Variants in PKHD1 observed in about 807,000 individuals in gnomAD.
The protein encoded by PKHD1 is fibrocystin.
In PKHD1, 291 loss-of-function variants were observed where a neutral mutation model predicts 412.0. The observed-to-expected ratio is 0.71, with a 90% CI of 0.64 to 0.78. The LOEUF is 0.78. Among genes scored for constraint, PKHD1 ranks in the 30% least tolerant of loss-of-function variants. PKHD1 has a pLI of 0.00. For missense variants in PKHD1, 4,825 were observed against 4,950.7 expected (o/e 0.97, Z 0.76); for synonymous variants, 1,777 against 1,821.5 (o/e 0.98, Z 0.62).
intron 41 of PKHD1, among the ~76,000 whole-genome samples, chr6:51,904,531 G>T (rs1417085114): frequency 6.6e-6 from 1 of 152,152 alleles, no homozygotes; most frequent in Non-Finnish European, 1.5e-5. Flanking sequence ...TCAATAAAGA[G>T]CTGCCCCAAA....
intron 65 of PKHD1, among the ~76,000 whole-genome samples, chr6:51,632,344 T>G (rs1008556267): frequency 6.6e-6 from 1 of 152,166 alleles, no homozygotes; most frequent in Non-Finnish European, 1.5e-5. Flanking sequence ...AGTGAGTATT[T>G]AGTTAACATG....
intron 60 of PKHD1, among the ~76,000 whole-genome samples, chr6:51,663,586 A>G (rs759794789): frequency 2.0e-5 from 3 of 152,162 alleles, no homozygotes; most frequent in Non-Finnish European, 4.4e-5. Context: ...CCTCAAGCAC[A>G]GTAGATGCTT....
chr6:52,050,391 A>G, intron 21 of PKHD1, 96 bp from the exon 22 acceptor site: 1 of 1,188,454 alleles, frequency 8.4e-7, no homozygotes, highest in East Asian at 2.3e-5. Context: ...CTCAGATCTC[A>G]GTACACACCT....
At chr6:51,772,263 C>T (rs1790266772) in intron 55 of PKHD1, among the ~76,000 whole-genome samples, 1 of 151,970 alleles carries the variant, frequency 6.6e-6, no homozygotes, top group African/African-American at 2.4e-5. Flanking sequence ...AGCAATGACT[C>T]TGTTCTTTAC....
At chr6:51,967,897 T>C (rs1793069523) in intron 35 of PKHD1, among the ~76,000 whole-genome samples, 1 of 152,192 alleles carries the variant, frequency 6.6e-6, no homozygotes, top group Admixed American at 6.5e-5. Flanking sequence ...CCCCATGCAA[T>C]GGACCCATGA....
chr6:51,621,102 T>C (rs1488093853), intron 66 of PKHD1, among the ~76,000 whole-genome samples: 4 of 152,174 alleles, frequency 2.6e-5, no homozygotes, highest in Admixed American at 2.0e-4. Context: ...GCCTCAATAC[T>C]TGTCTGGAGT....
chr6:51,659,906 T>C lies in PKHD1; in HGVS notation c.10220A>G (p.Gln3407Arg). Residue 3407 changes from glutamine (Q) to arginine (R), a missense_variant, in exon 61 of 67, where the codon CAG (glutamine) becomes CGG (arginine). By Grantham distance (43) the Gln-to-Arg change is conservative. Transcript: ENST00000371117. The part of the protein sequence containing the change: ...QFLMQGFICK[Q>R]TDQVVLILDS... ...AAGAATTAGGACCACTTGGTCAGTC[T>C]GTTTGCAGATGAATCCTTGCATCAG... 1 of 1,612,520 alleles carries C rather than the reference T, an allele frequency of 6.2e-7. No homozygotes were observed. Among genetic ancestry groups the C allele is most frequent in the Non-Finnish European group, 8.5e-7 (1 of 1,178,738 alleles).
chr6:51,748,133 TACATGTA>T lies in PKHD1; in HGVS notation c.9476_9482del (p.Leu3159Ter). ...TGTTCTCTATCTCCACGCTGTTCTC[TACATGTA>T]ACATGGCACCATAGTCAAAGTTCTT... On this transcript the variant is annotated frameshift_variant, in exon 58 of 67. Coordinates refer to ENST00000371117, the MANE Select transcript of PKHD1 (RefSeq NM_138694.4). LOFTEE classifies it high-confidence loss of function. The T allele has an allele frequency of 1.9e-6, 3 of 1,614,090 alleles. No homozygotes were observed. Among genetic ancestry groups the T allele is most frequent in the Non-Finnish European group, 2.5e-6 (3 of 1,179,940 alleles).
intron 18 of PKHD1, among the ~76,000 whole-genome samples, chr6:52,056,228 G>C (rs1041967097): frequency 1.3e-5 from 2 of 152,130 alleles, no homozygotes; most frequent in Non-Finnish European, 2.9e-5. Flanking sequence ...AAAAAGACAA[G>C]GAATATCAAG....
chr6:52,082,891 A>C (rs1812248697), intron 3 of PKHD1, among the ~76,000 whole-genome samples: 1 of 152,190 alleles, frequency 6.6e-6, no homozygotes, highest in Non-Finnish European at 1.5e-5. Context: ...TGCATTGCTG[A>C]GCACTATGCT....
At position 51,659,900 on chromosome 6, in the gene PKHD1, T is replaced by G; in HGVS notation, c.10226A>C (p.Asp3409Ala). The change falls in exon 61 of 67, where the codon GAC becomes GCC. Residue 3409 changes from aspartate (D) to alanine (A), a missense_variant. By Grantham distance (126) the Asp-to-Ala change is moderately radical. Transcript: ENST00000371117. ...LMQGFICKQTDQVVLILDSAD... is the reference protein window; with the variant it reads ...LMQGFICKQTAQVVLILDSAD... ...GCTATCAAGAATTAGGACCACTTGGTCAGTCTGTTTGCAGATGAATCCTTG... is the reference window on the plus strand; with the variant it reads ...GCTATCAAGAATTAGGACCACTTGGGCAGTCTGTTTGCAGATGAATCCTTG... 6 of 1,612,720 alleles carry G rather than the reference T, an allele frequency of 3.7e-6. No homozygotes were observed. Among genetic ancestry groups the G allele is most frequent in the Non-Finnish European group, 5.1e-6 (6 of 1,178,932 alleles).
chr6:51,681,364 T>C (rs1776635975), intron 60 of PKHD1, among the ~76,000 whole-genome samples: 1 of 151,958 alleles, frequency 6.6e-6, no homozygotes, highest in Admixed American at 6.6e-5. Context: ...ACACAGGCCT[T>C]AGCAATGTCA....
chr6:51,649,246 T>C (rs773952359), intron 61 of PKHD1, 26 bp from the exon 62 acceptor site: 9 of 1,570,810 alleles, frequency 5.7e-6, no homozygotes, highest in Non-Finnish European at 7.9e-6. Context: ...ACAAACAAAA[T>C]ACATCCTTAG....
chr6:51,639,612 C>G (rs1431551881), intron 63 of PKHD1, among the ~76,000 whole-genome samples: 2 of 152,004 alleles, frequency 1.3e-5, no homozygotes, highest in East Asian at 3.9e-4. Context: ...AAAAAAAAAC[C>G]CTTGCGTCTT....
At chr6:52,062,362 C>T (rs545179278) in intron 14 of PKHD1, among the ~76,000 whole-genome samples, 157 bp downstream of exon 14, 21 of 152,312 alleles carry the variant, frequency 1.4e-4, no homozygotes, top group African/African-American at 4.3e-4. Flanking sequence ...CTAGCATGAC[C>T]AACACTGATT....
In PKHD1 at chr6:51,656,257, C is replaced by T. The variant is rs183088738; in HGVS notation, c.11174+2695G>A. On this transcript the variant is annotated intron_variant, in intron 61 of 66. Coordinates refer to ENST00000371117, the MANE Select transcript of PKHD1 (RefSeq NM_138694.4). ...AACACAGGAACAGAAAACCAAACAC[C>T]GCATGTTCTCACTCATAAGTGGGAG... Among the ~76,000 whole-genome samples the T allele has an allele frequency of 5.9e-5, 9 of 152,138 alleles. No homozygotes were observed. The South Asian group carries it at 6.2e-4, about 10-fold the overall frequency.
At chr6:51,676,130 C>T in intron 60 of PKHD1, among the ~76,000 whole-genome samples, 1 of 150,442 alleles carries the variant, frequency 6.6e-6, no homozygotes. Flanking sequence ...CATATATTAA[C>T]TTTGTGTCAA....
chr6:51,793,062 T>C (rs1345782882), intron 52 of PKHD1, among the ~76,000 whole-genome samples: 1 of 152,172 alleles, frequency 6.6e-6, no homozygotes, highest in Non-Finnish European at 1.5e-5. Flanking sequence ...ATAAAGACAC[T>C]AAATAAATGT....
intron 46 of PKHD1, among the ~76,000 whole-genome samples, 156 bp from the exon 47 acceptor site, chr6:51,870,795 C>T (rs1204472524): frequency 6.6e-6 from 1 of 151,698 alleles, no homozygotes; most frequent in Non-Finnish European, 1.5e-5. Context: ...GACCTATATC[C>T]AGAATATAGA....
Sources: gnomAD v4.1 joint callset for allele counts (sites outside exome capture counted in the v4.1 genomes callset) on GRCh38, gnomAD v4.1.1 for gene constraint, MANE v1.5 for transcripts, NCBI Gene and HGNC (gene_info 2026-07-23, HGNC 2026-07-21) for gene names.